ASCC3: variants seen among roughly 807,000 people sequenced by gnomAD.
The protein encoded by ASCC3 is ASC-1 complex subunit P200.
A neutral mutation model predicts 256.3 loss-of-function variants in ASCC3; 158 were observed. The ratio of observed to expected loss-of-function variants is 0.62; its 90% CI spans 0.54 to 0.70. The LOEUF (loss-of-function observed/expected upper bound fraction) is 0.70. Ranked by LOEUF, ASCC3 falls within the 30% of genes least tolerant of loss-of-function variation. The pLI, the probability that ASCC3 is intolerant of heterozygous loss-of-function variation, is 0.00. For missense variants in ASCC3, 2,259 were observed against 2,626.0 expected (o/e 0.86, Z 3.05); for synonymous variants, 948 against 883.4 (o/e 1.07, Z -1.30).
intron 10 of ASCC3, among the ~76,000 whole-genome samples, chr6:100,761,468 A>G (rs1333613341): frequency 1.3e-5 from 2 of 152,200 alleles, no homozygotes; most frequent in Non-Finnish European, 2.9e-5. Flanking sequence ...AGCCTTGGTG[A>G]CAGAGTGAGA....
At chr6:100,723,302 G>C (rs1779432700) in intron 11 of ASCC3, among the ~76,000 whole-genome samples, 1 of 151,486 alleles carries the variant, frequency 6.6e-6, no homozygotes, top group African/African-American at 2.4e-5. Context: ...TAAAATTTCA[G>C]GGGTGTGTCT....
chr6:100,670,753 A>G (rs1185708274), intron 14 of ASCC3, among the ~76,000 whole-genome samples: 1 of 152,030 alleles, frequency 6.6e-6, no homozygotes, highest in Non-Finnish European at 1.5e-5. Context: ...TATCTCCAGT[A>G]GGCAGTTTAG....
intron 10 of ASCC3, among the ~76,000 whole-genome samples, chr6:100,729,476 A>C (rs1194360207): frequency 1.3e-5 from 2 of 152,200 alleles, no homozygotes; most frequent in African/African-American, 4.8e-5. Context: ...CAATCCTTAA[A>C]ACCTTCCAAT....
At chr6:100,599,600 T>C (rs181702930) in intron 34 of ASCC3, among the ~76,000 whole-genome samples, 1 of 151,854 alleles carries the variant, frequency 6.6e-6, no homozygotes, top group Non-Finnish European at 1.5e-5. Context: ...GGAAGCTGGG[T>C]GAAGGGTATA....
At chr6:100,653,004 A>G in intron 17 of ASCC3, 115 bp from the exon 18 acceptor site, 2 of 967,194 alleles carry the variant, frequency 2.1e-6, no homozygotes, top group East Asian at 5.3e-5. Context: ...AGACTTTTTA[A>G]TTACAATTTT....
intron 1 of ASCC3, among the ~76,000 whole-genome samples, chr6:100,878,843 GCAAA>G (rs755389722): frequency 1.3e-3 from 202 of 152,270 alleles, no homozygotes; most frequent in Non-Finnish European, 2.0e-3. Flanking sequence ...CATGCACCAA[GCAAA>G]CAATCACTTC....
chr6:100,833,296 AG>A (rs1341609894), intron 4 of ASCC3, among the ~76,000 whole-genome samples: 1 of 152,168 alleles, frequency 6.6e-6, no homozygotes, highest in East Asian at 1.9e-4. Flanking sequence ...CCAAGGCTAC[AG>A]GGGAAGGGAG....
intron 4 of ASCC3, among the ~76,000 whole-genome samples, chr6:100,806,166 C>T (rs1409342714): frequency 6.6e-6 from 1 of 151,880 alleles, no homozygotes; most frequent in Non-Finnish European, 1.5e-5. Context: ...CTTGGTATAA[C>T]CAAATGAAAT....
At chr6:100,621,477 A>G (rs1773948195) in intron 30 of ASCC3, among the ~76,000 whole-genome samples, 1 of 152,210 alleles carries the variant, frequency 6.6e-6, no homozygotes, top group Admixed American at 6.5e-5. Flanking sequence ...GTCAACAAAC[A>G]TATGAAAAAA....
chr6:100,736,534 A>ACAT (rs2115060314), intron 10 of ASCC3, among the ~76,000 whole-genome samples: 1 of 152,194 alleles, frequency 6.6e-6, no homozygotes, highest in Admixed American at 6.5e-5. Flanking sequence ...AGACATTGTC[A>ACAT]CATAATAGGA....
chr6:100,649,627 G>C (rs1775557548), intron 20 of ASCC3, among the ~76,000 whole-genome samples: 1 of 151,384 alleles, frequency 6.6e-6, no homozygotes, highest in African/African-American at 2.4e-5. Flanking sequence ...GAGTACTCAT[G>C]GCTATTAATA....
At chr6:100,684,158 A>C (rs1356195584) in intron 13 of ASCC3, among the ~76,000 whole-genome samples, 3 of 152,232 alleles carry the variant, frequency 2.0e-5, no homozygotes, top group Non-Finnish European at 4.4e-5. Context: ...TATTTGAAAA[A>C]GATCTGAAAA....
At chr6:100,745,601 CAT>C (rs757967834) in intron 10 of ASCC3, among the ~76,000 whole-genome samples, 25 of 151,990 alleles carry the variant, frequency 1.6e-4, no homozygotes, top group Non-Finnish European at 3.4e-4. Context: ...TTTCTTTAAG[CAT>C]ATGTTTGCAC....
At chr6:100,765,392 T>C (rs1019306752) in intron 10 of ASCC3, among the ~76,000 whole-genome samples, 1 of 152,168 alleles carries the variant, frequency 6.6e-6, no homozygotes, top group African/African-American at 2.4e-5. Context: ...GAACAGACTT[T>C]TTTAAGTCTG....
intron 36 of ASCC3, among the ~76,000 whole-genome samples, chr6:100,580,682 C>T (rs911740445): frequency 4.6e-5 from 7 of 151,810 alleles, no homozygotes; most frequent in Admixed American, 6.6e-5. Context: ...GCTGCACCCA[C>T]TAACTCGTCA....
chr6:100,824,541 T>C (rs1443568690), intron 4 of ASCC3, among the ~76,000 whole-genome samples: 2 of 152,164 alleles, frequency 1.3e-5, no homozygotes, highest in African/African-American at 4.8e-5. Flanking sequence ...CAAGAACCCT[T>C]TCGAATTAGA....
At chr6:100,571,671 A>T (rs1198908374) in intron 36 of ASCC3, among the ~76,000 whole-genome samples, 4 of 152,270 alleles carry the variant, frequency 2.6e-5, no homozygotes, top group Admixed American at 2.6e-4. Flanking sequence ...ACTGAGGCTC[A>T]GAGGGTAAGT....
chr6:100,699,177 A>G (rs908116183), intron 13 of ASCC3, among the ~76,000 whole-genome samples: 2 of 152,160 alleles, frequency 1.3e-5, no homozygotes, highest in Admixed American at 1.3e-4. Flanking sequence ...CCCCACACAA[A>G]TCTCATCTTG....
intron 11 of ASCC3, among the ~76,000 whole-genome samples, chr6:100,724,172 C>T (rs1368542513): frequency 1.4e-5 from 2 of 140,982 alleles, no homozygotes; most frequent in African/African-American, 5.2e-5. Context: ...AAAAAAAACA[C>T]ACAAGTGAAA....
Sources: allele counts gnomAD v4.1 joint callset (sites outside exome capture counted in the v4.1 genomes callset), GRCh38; gene constraint gnomAD v4.1.1; transcripts MANE v1.5; gene names NCBI Gene and HGNC (gene_info 2026-07-23, HGNC 2026-07-21).